FRYL: variants seen among roughly 807,000 people sequenced by gnomAD.
FRYL encodes the protein protein furry homolog-like.
FRYL carries 150 observed loss-of-function variants against 351.2 expected under a neutral mutation model. That is an observed-to-expected ratio of 0.43 (90% confidence interval 0.37 to 0.49). The LOEUF is 0.49. Ranked by LOEUF, FRYL falls within the 20% of genes least tolerant of loss-of-function variation. FRYL has a pLI of 0.00. For synonymous variants in FRYL, 1,153 were observed against 1,257.1 expected, an observed-to-expected ratio of 0.92 and a Z score of 1.75; for missense variants, 3,036 against 3,619.3, an observed-to-expected ratio of 0.84 and a Z score of 4.13.
rs1021837482 is a variant in FRYL at position 48,578,965 on chromosome 4, T to C, written c.2528+8A>G. ...CATTTTTAAATTTACACTAGGAAAA[T>C]AACTTACTTTATATCGACCTGAGGG... On this transcript the variant is annotated splice_region_variant and intron_variant, in intron 23 of 63. Transcript: ENST00000358350. The C allele has an allele frequency of 6.4e-7, 1 of 1,568,126 alleles. No homozygotes were observed. Among genetic ancestry groups the C allele is most frequent in the African/African-American group, 1.4e-5 (1 of 72,538 alleles).
intron 2 of FRYL, among the ~76,000 whole-genome samples, chr4:48,707,956 G>T (rs949197672): frequency 2.0e-5 from 3 of 151,612 alleles, no homozygotes; most frequent in African/African-American, 7.3e-5. Flanking sequence ...CAGTAGCTCG[G>T]ACTATAGGCA....
chr4:48,569,309 C>CT (rs1553933663), intron 27 of FRYL, among the ~76,000 whole-genome samples: 3 of 151,626 alleles, frequency 2.0e-5, no homozygotes, highest in Middle Eastern at 3.4e-3. Context: ...TTCTTTCTTT[C>CT]TTTTTTTTTC....
At position 48,608,982 on chromosome 4, in the gene FRYL, CT is replaced by C. The variant is rs1415786018; in HGVS notation, c.572+4del. 1 of 1,587,334 alleles carries C rather than the reference CT, an allele frequency of 6.3e-7. No homozygotes were observed. Among genetic ancestry groups the C allele is most frequent in the African/African-American group, 1.3e-5 (1 of 74,444 alleles). On this transcript the variant is annotated splice_donor_region_variant and intron_variant, in intron 9 of 63. Coordinates refer to ENST00000358350, the MANE Select transcript of FRYL (RefSeq NM_015030.2). ...AAATCTAAATGGGTGATTTACAAAA[CT>C]TACTTTGATTGGGCAAGAACCCCTA...
intron 59 of FRYL, 125 bp from the exon 60 acceptor site, chr4:48,505,740 T>C (rs1720766924): frequency 1.7e-6 from 1 of 598,926 alleles, no homozygotes. Context: ...ACCTAGACTT[T>C]TATCTCCATT....
chr4:48,517,979 T>G (rs1724014660), intron 55 of FRYL, among the ~76,000 whole-genome samples: 1 of 152,208 alleles, frequency 6.6e-6, no homozygotes, highest in Non-Finnish European at 1.5e-5. Context: ...CAATTTTGGG[T>G]CATTTGACAC....
chr4:48,706,916 C>A (rs2149584899), intron 2 of FRYL, among the ~76,000 whole-genome samples: 1 of 152,222 alleles, frequency 6.6e-6, no homozygotes, highest in African/African-American at 2.4e-5. Flanking sequence ...TTCCTTTGTG[C>A]CTCTTTTACT....
chr4:48,617,432 T>C (rs1749732420), intron 7 of FRYL, among the ~76,000 whole-genome samples: 1 of 151,168 alleles, frequency 6.6e-6, no homozygotes, highest in African/African-American at 2.4e-5. Flanking sequence ...AACTGTAACC[T>C]CAAATCCCTA....
intron 4 of FRYL, among the ~76,000 whole-genome samples, chr4:48,632,010 G>A (rs1252022423): frequency 1.2e-4 from 14 of 113,976 alleles, no homozygotes; most frequent in South Asian, 3.3e-4. Flanking sequence ...CCAAAATTGC[G>A]CCACTGAACT....
At chr4:48,693,735 A>G (rs1198078842) in intron 2 of FRYL, among the ~76,000 whole-genome samples, 3 of 152,212 alleles carry the variant, frequency 2.0e-5, no homozygotes, top group Non-Finnish European at 4.4e-5. Flanking sequence ...AGATAAAAAC[A>G]TACTACAATG....
chr4:48,685,310 T>C (rs1765036915), intron 2 of FRYL, among the ~76,000 whole-genome samples: 1 of 152,210 alleles, frequency 6.6e-6, no homozygotes, highest in African/African-American at 2.4e-5. Context: ...TAAGTATCTT[T>C]TTAACAATTT....
chr4:48,605,329 A>T (rs1246178330), intron 11 of FRYL, among the ~76,000 whole-genome samples: 1 of 152,228 alleles, frequency 6.6e-6, no homozygotes, highest in Non-Finnish European at 1.5e-5. Context: ...AATACTACAA[A>T]CCAATTCATA....
At chr4:48,694,764 T>A (rs936641790) in intron 2 of FRYL, among the ~76,000 whole-genome samples, 2 of 152,126 alleles carry the variant, frequency 1.3e-5, no homozygotes, top group Non-Finnish European at 1.5e-5. Flanking sequence ...AATTTGTAAA[T>A]CCCTGGCCCA....
intron 26 of FRYL, among the ~76,000 whole-genome samples, chr4:48,572,258 C>A (rs1229141283): frequency 6.6e-6 from 1 of 152,200 alleles, no homozygotes; most frequent in African/African-American, 2.4e-5. Context: ...ATTCAATAGA[C>A]CCAGGAGTCT....
chr4:48,505,602 C>A lies in FRYL; in HGVS notation c.8408G>T (p.Cys2803Phe), dbSNP rs77168578. The A allele has an allele frequency of 1.2e-6, 2 of 1,605,968 alleles. No individual in the cohort carries two copies. Among genetic ancestry groups the A allele is most frequent in the Non-Finnish European group, 1.7e-6 (2 of 1,173,842 alleles). The change falls in exon 60 of 64, where the codon TGT (cysteine) becomes TTT (phenylalanine). Residue 2803 changes from cysteine (C) to phenylalanine (F), a missense_variant. By Grantham distance (205) the Cys-to-Phe change is radical. This residue lies in a region of FRYL where 1,987 missense variants were observed against 2,311.7 expected (regional missense o/e 0.86). Transcript: ENST00000358350. The part of the protein sequence containing the change: ...REAAEQWLDD[C>F]KRTFGAKEDM... Reference sequence around the variant, plus strand: ...TTCTTTGGCACCAAATGTCCTCTTACAATCATCTAGCCACTAAAAATAAGT... The same window carrying A: ...TTCTTTGGCACCAAATGTCCTCTTAAAATCATCTAGCCACTAAAAATAAGT...
chr4:48,685,654 T>C (rs560527593), intron 2 of FRYL, among the ~76,000 whole-genome samples: 2 of 152,304 alleles, frequency 1.3e-5, no homozygotes, highest in South Asian at 2.1e-4. Context: ...TCTGTAATAC[T>C]TGGATGGTTA....
intron 33 of FRYL, 147 bp downstream of exon 33, chr4:48,561,321 T>G: frequency 2.0e-6 from 1 of 503,286 alleles, no homozygotes; most frequent in South Asian, 6.0e-5. Flanking sequence ...GAATTAAGAG[T>G]TCTTATTGAA....
rs147884111 is a variant in FRYL, at chr4:48,552,493, T to G, written c.4435+722A>C. 1.1e-4 allele frequency among the ~76,000 whole-genome samples: 16 copies of G among 152,274 alleles called. No individual in the cohort carries two copies. The East Asian group carries it at 3.1e-3, about 29-fold the overall frequency. ...AAAGACAGATCTAGAATTGGTAGGC[T>G]TTTGAGAAAAGTTTTATCAACACAA... On this transcript the variant is annotated intron_variant, in intron 36 of 63. Coordinates refer to ENST00000358350, the MANE Select transcript of FRYL (RefSeq NM_015030.2).
chr4:48,498,468 T>C lies in FRYL; in HGVS notation c.*954A>G, dbSNP rs1288716520. The C allele has an allele frequency of 1.3e-5, 2 of 152,622 alleles. No individual in the cohort carries two copies. The highest frequency in any genetic ancestry group is 6.5e-5 in the Admixed American group (1 of 15,276). 9.5% of individuals were successfully genotyped at this position (152,622 alleles called of 1,614,324 possible). ...TATATGGAGTAAAATAAGTTAAAAC[T>C]TTTCTAATGAGAATAGCTGACAGGC... On this transcript the variant is annotated 3_prime_UTR_variant, in exon 64 of 64. Coordinates refer to ENST00000358350, the MANE Select transcript of FRYL (RefSeq NM_015030.2).
intron 3 of FRYL, chr4:48,681,257 T>C: frequency 3.6e-6 from 1 of 278,672 alleles, no homozygotes; most frequent in Non-Finnish European, 6.5e-6. Flanking sequence ...TAGGCGGTGC[T>C]AAACCCCAGT....
Sources: allele counts gnomAD v4.1 joint callset (sites outside exome capture counted in the v4.1 genomes callset), GRCh38; gene constraint gnomAD v4.1.1; regional missense constraint gnomAD v4.1.1; transcripts MANE v1.5; gene names NCBI Gene and HGNC (gene_info 2026-07-23, HGNC 2026-07-21).